The following AHCTF1 variants were observed in gnomAD, a reference collection of about 807,000 sequenced individuals.
The protein encoded by AHCTF1 is protein ELYS.
AHCTF1 carries 24 observed loss-of-function variants against 248.4 expected under a neutral mutation model. That is an observed-to-expected ratio of 0.10 (90% CI 0.07 to 0.14). The LOEUF is 0.14. Among genes scored for constraint, AHCTF1 ranks in the 10% least tolerant of loss-of-function variants. The pLI is 1.00. For missense variants in AHCTF1, 2,206 were observed against 2,636.2 expected (o/e 0.84, Z 3.57); for synonymous variants, 786 against 929.8 (o/e 0.85, Z 2.81).
intron 3 of AHCTF1, among the ~76,000 whole-genome samples, chr1:246,914,575 G>A (rs1451930563): frequency 6.6e-6 from 1 of 152,076 alleles, no homozygotes; most frequent in Non-Finnish European, 1.5e-5. Context: ...CCTCAGTGAG[G>A]AGTAGCGAAT....
At chr1:246,929,147 G>A (rs1218187460) in intron 1 of AHCTF1, among the ~76,000 whole-genome samples, 2 of 152,280 alleles carry the variant, frequency 1.3e-5, no homozygotes, top group Non-Finnish European at 2.9e-5. Context: ...GGTGGTTCAC[G>A]CCTGTAATCC....
At chr1:246,929,820 A>C (rs554889383) in intron 1 of AHCTF1, among the ~76,000 whole-genome samples, 1 of 152,206 alleles carries the variant, frequency 6.6e-6, no homozygotes, top group Non-Finnish European at 1.5e-5. Flanking sequence ...CTGGGAGGCC[A>C]AGGCGGGCGG....
chr1:246,886,213 C>T (rs1223296157), intron 20 of AHCTF1, among the ~76,000 whole-genome samples: 1 of 152,078 alleles, frequency 6.6e-6, no homozygotes, highest in Non-Finnish European at 1.5e-5. Context: ...TACCTATAGT[C>T]CCAGCTACTT....
intron 1 of AHCTF1, 66 bp downstream of exon 1, chr1:246,931,508 GCCGC>G: frequency 2.0e-6 from 1 of 512,444 alleles, no homozygotes; most frequent in Non-Finnish European, 2.5e-6. Flanking sequence ...CGCCGCCGCC[GCCGC>G]GGGTCCAGGC....
intron 14 of AHCTF1, 109 bp from the exon 15 acceptor site, chr1:246,892,028 C>A (rs1225449738): frequency 3.4e-5 from 41 of 1,200,400 alleles, no homozygotes; most frequent in Non-Finnish European, 4.6e-6. Context: ...TTATTCTATT[C>A]ATTATGAGAT....
In AHCTF1 at chr1:246,918,341, A is replaced by G. The variant is rs372617142; in HGVS notation, c.30T>C (p.Ser10=). ...TCACTTCTGGAAATGGCAGGAGACC[A>G]CTAGTCACTTGAGCTCTTAAGTCTC... MRDLRAQVT[S]GLLPFPEVTL... is the part of the protein sequence containing the mutation. The change falls in exon 2 of 36, where the codon AGT becomes AGC. Residue 10 remains serine, a synonymous_variant. Transcript: ENST00000648844. 71 of 1,612,754 alleles carry G rather than the reference A, an allele frequency of 4.4e-5. No homozygotes were observed. The highest frequency in any genetic ancestry group is 5.4e-5 in the Non-Finnish European group (64 of 1,179,476).
Position 246,869,034 on chromosome 1 carries a change from C to T in AHCTF1, c.3089-1223G>A, listed in dbSNP as rs369612701. Among the ~76,000 whole-genome samples, 695 of 151,190 alleles carry T rather than the reference C, an allele frequency of 4.6e-3. 4 individuals are homozygous for T. Among genetic ancestry groups the T allele is most frequent in the Middle Eastern group, 6.8e-3 (2 of 292 alleles). Reference sequence around the variant, plus strand: ...TAACTTTTTCTATTTTTAGTAGAGACGGGGTTTCACCATGTTGGCCAGGAT... The same window carrying T: ...TAACTTTTTCTATTTTTAGTAGAGATGGGGTTTCACCATGTTGGCCAGGAT... On this transcript the variant is annotated intron_variant, in intron 24 of 35. Coordinates refer to ENST00000648844, the MANE Select transcript of AHCTF1 (RefSeq NM_001323342.2).
chr1:246,896,830 G>A (rs1455696719), intron 12 of AHCTF1, among the ~76,000 whole-genome samples: 3 of 152,100 alleles, frequency 2.0e-5, no homozygotes, highest in Admixed American at 6.5e-5. Context: ...GTTCAAAAAG[G>A]AATCCCATGA....
At position 246,912,050 on chromosome 1, in the gene AHCTF1, C is replaced by T. The variant is rs537950963; in HGVS notation, c.556+1182G>A. 1.1e-4 allele frequency among the ~76,000 whole-genome samples: 17 copies of T among 152,000 alleles called. No homozygotes were observed. The South Asian group carries it at 2.1e-3, about 19-fold the overall frequency. Reference sequence around the variant, plus strand: ...CGCTTCCACCACTGGCAGTTTTAATCGGTTTTTTTATACACTGACAATTTT... The same window carrying T: ...CGCTTCCACCACTGGCAGTTTTAATTGGTTTTTTTATACACTGACAATTTT... On this transcript the variant is annotated intron_variant, in intron 4 of 35. Coordinates refer to ENST00000648844, the MANE Select transcript of AHCTF1 (RefSeq NM_001323342.2).
chr1:246,931,383 T>G (rs1366135604), intron 1 of AHCTF1, 195 bp downstream of exon 1: 1 of 1,511,868 alleles, frequency 6.6e-7, no homozygotes, highest in Non-Finnish European at 8.8e-7. Context: ...CCCGCGAGCC[T>G]GCCGTACCCG....
chr1:246,930,599 G>GC (rs1254674752), intron 1 of AHCTF1, among the ~76,000 whole-genome samples: 1 of 91,836 alleles, frequency 1.1e-5, no homozygotes, highest in Admixed American at 1.2e-4. Flanking sequence ...AAAAAAAAAA[G>GC]GGGGGGTCTC....
At chr1:246,911,655 A>G (rs985491242) in intron 4 of AHCTF1, among the ~76,000 whole-genome samples, 3 of 151,346 alleles carry the variant, frequency 2.0e-5, no homozygotes, top group Non-Finnish European at 4.4e-5. Flanking sequence ...GGCTAATTTT[A>G]TATTTTTTAG....
intron 32 of AHCTF1, 121 bp from the exon 33 acceptor site, chr1:246,851,563 T>C (rs1203511811): frequency 3.6e-6 from 3 of 828,736 alleles, no homozygotes; most frequent in Non-Finnish European, 3.6e-6. Flanking sequence ...ATATTTAATA[T>C]GGCATATACT....
In AHCTF1 at chr1:246,905,483, C is replaced by A. The variant is rs7551797; in HGVS notation, c.881+58G>T. 6.5e-6 allele frequency: 9 copies of A among 1,380,380 alleles called. No homozygotes were observed. In the East Asian group the frequency reaches 2.1e-4, roughly 32 times the overall value. 85.5% of individuals were successfully genotyped at this position (1,380,380 alleles called of 1,614,324 possible). A position where few individuals can be genotyped will look rare whatever the true frequency, so the allele number is the denominator to read the frequency against. ...CTGCACTCCAGCCTGGACAACAGAG[C>A]GAGACTCTGTCTCCAAAAAAACAAA... On this transcript the variant is annotated intron_variant, in intron 6 of 35. Coordinates refer to ENST00000648844, the MANE Select transcript of AHCTF1 (RefSeq NM_001323342.2).
At chr1:246,872,968 A>G (rs1036422793) in intron 24 of AHCTF1, among the ~76,000 whole-genome samples, 23 of 152,102 alleles carry the variant, frequency 1.5e-4, no homozygotes, top group Non-Finnish European at 4.4e-5. Context: ...CAGACCAACT[A>G]AACTGTTTGG....
chr1:246,867,387 AAGG>A (rs1382266640), intron 25 of AHCTF1, 36 bp from the exon 26 acceptor site: 2 of 1,370,610 alleles, frequency 1.5e-6, no homozygotes, highest in Admixed American at 4.4e-5. Context: ...GATGTATCAC[AAGG>A]AGCACTGATA....
chr1:246,888,622 G>C, intron 17 of AHCTF1, 105 bp from the exon 18 acceptor site: 1 of 1,369,072 alleles, frequency 7.3e-7, no homozygotes, highest in South Asian at 1.4e-5. Context: ...ATCAAAGAGA[G>C]AAGAGGCTGG....
rs745839202 is a variant in AHCTF1 at position 246,916,201 on chromosome 1, G to C, written c.316C>G (p.Leu106Val). Residue 106 changes from leucine (L) to valine (V), a missense_variant, in exon 3 of 36, where the codon CTC (leucine) becomes GTC (valine). By Grantham distance (32) the Leu-to-Val change is conservative. Transcript: ENST00000648844. Reference protein sequence around the residue: ...IGLEETEGSVLCLYDLGISKV... With the variant: ...IGLEETEGSVVCLYDLGISKV... ...GATATTCCAAGGTCATAAAGACAGA[G>C]AACACTCCCTTCTGTTTCTTCCAAT... is the stretch of plus-strand genomic sequence containing the variant. 6.2e-7 allele frequency: 1 copy of C among 1,603,526 alleles called. No homozygotes were observed. Among genetic ancestry groups the C allele is most frequent in the South Asian group, 1.1e-5 (1 of 89,310 alleles).
In AHCTF1 at chr1:246,876,704, CTT is replaced by C. The variant is rs556959381; in HGVS notation, c.2937+244_2937+245del. ...CTACTGCTGGCCTCTACATCTTCCT[CTT>C]GTTTTCCCTGAGTGAAATGGCAATA... On this transcript the variant is annotated intron_variant, in intron 23 of 35. Coordinates refer to ENST00000648844, the MANE Select transcript of AHCTF1 (RefSeq NM_001323342.2). Among the ~76,000 whole-genome samples the C allele has an allele frequency of 1.3e-4, 20 of 152,308 alleles. No individual in the cohort carries two copies. In the South Asian group the frequency reaches 1.5e-3, roughly 11 times the overall value.
Sources: allele counts gnomAD v4.1 joint callset (sites outside exome capture counted in the v4.1 genomes callset), GRCh38; gene constraint gnomAD v4.1.1; transcripts MANE v1.5; gene names NCBI Gene and HGNC (gene_info 2026-07-23, HGNC 2026-07-21).